Variants in CFAP20DC observed in about 807,000 individuals in gnomAD.
CFAP20DC encodes CFAP20 domain containing.
In CFAP20DC, 84 loss-of-function variants were observed where a neutral mutation model predicts 101.7. The observed-to-expected ratio is 0.83, with a 90% confidence interval of 0.69 to 0.99. CFAP20DC has a LOEUF of 0.99. Among genes scored for constraint, CFAP20DC ranks in the 50% least tolerant of loss-of-function variants. CFAP20DC has a pLI of 0.00. For synonymous variants in CFAP20DC, 359 were observed against 351.2 expected (o/e 1.02, Z -0.25); for missense variants, 1,007 against 970.3 (o/e 1.04, Z -0.50).
In CFAP20DC at chr3:58,724,470, G is replaced by A. The variant is rs1427448754; in HGVS notation, c.198-6842C>T. Among the ~76,000 whole-genome samples, 1 of 152,134 alleles carries A rather than the reference G, an allele frequency of 6.6e-6. No homozygotes were observed. The highest frequency in any genetic ancestry group is 6.5e-5 in the Admixed American group (1 of 15,276). ...TCAAGGAGAAAGGCACTCCTTTGAA[G>A]CACTGGAATGTGGACAGACGTGTGG... On this transcript the variant is annotated intron_variant, in intron 3 of 3. Coordinates refer to the CFAP20DC transcript ENST00000486145. This position sits in a 1 kb window ranked among gnomAD's most constrained non-coding sequence, Gnocchi z 5.6.
intron 13 of CFAP20DC, among the ~76,000 whole-genome samples, chr3:58,838,911 C>T (rs1332752820): frequency 1.3e-5 from 2 of 152,138 alleles, no homozygotes; most frequent in Non-Finnish European, 2.9e-5. Flanking sequence ...TACAGGGCAA[C>T]TATAGCCTTG....
At chr3:58,942,167 T>A (rs1177886996) in intron 4 of CFAP20DC, among the ~76,000 whole-genome samples, 1 of 152,240 alleles carries the variant, frequency 6.6e-6, no homozygotes, top group African/African-American at 2.4e-5. Flanking sequence ...TTAATTATAC[T>A]CATTGATCTT....
intron 7 of CFAP20DC, among the ~76,000 whole-genome samples, chr3:58,880,341 T>C (rs1576105359): frequency 6.6e-6 from 1 of 152,178 alleles, no homozygotes; most frequent in Admixed American, 6.5e-5. Context: ...TTTCTATTTT[T>C]CACTGACTGA....
At chr3:58,817,271 C>T (rs777490235) in intron 14 of CFAP20DC, among the ~76,000 whole-genome samples, 11 of 152,280 alleles carry the variant, frequency 7.2e-5, no homozygotes, top group South Asian at 2.1e-4. Flanking sequence ...TCAAGAGCAA[C>T]GGAACAAAGC....
chr3:59,019,193 T>C (rs560243763), intron 4 of CFAP20DC: 1 of 152,218 alleles, frequency 6.6e-6, no homozygotes, highest in East Asian at 1.9e-4. Flanking sequence ...GCGAAAAAGC[T>C]GAAAACAAAT....
At position 58,863,429 on chromosome 3, in the gene CFAP20DC, C is replaced by T. The variant is rs1202338754; in HGVS notation, c.1593+129G>A. 3 of 1,471,370 alleles carry T rather than the reference C, an allele frequency of 2.0e-6. No individual in the cohort carries two copies. The highest frequency in any genetic ancestry group is 2.8e-5 in the African/African-American group (2 of 70,680). The allele number at this position is 1,471,370 out of a possible 1,614,324, so 91.1% of individuals were successfully genotyped here. ...ACAACCTGATGCAACTGTGGACTGA[C>T]ATGGCAATCTGTTGCATTTTTATAA... On this transcript the variant is annotated intron_variant, in intron 12 of 16. Coordinates refer to ENST00000482387, the MANE Select transcript of CFAP20DC (RefSeq NM_001394063.1). This position sits in a 1 kb window ranked among gnomAD's most constrained non-coding sequence, Gnocchi z 5.9.
chr3:58,742,134 A>T lies in CFAP20DC; in HGVS notation c.*326T>A. 1.1e-6 allele frequency: 1 copy of T among 922,466 alleles called. No homozygotes were observed. Among genetic ancestry groups the T allele is most frequent in the Non-Finnish European group, 1.3e-6 (1 of 770,804 alleles). 57.1% of individuals were successfully genotyped at this position (922,466 alleles called of 1,614,324 possible). On this transcript the variant is annotated 3_prime_UTR_variant, in exon 17 of 17. Coordinates refer to ENST00000482387, the MANE Select transcript of CFAP20DC (RefSeq NM_001394063.1). ...CATTTACAGATTAACACTGCAAAAA[A>T]TTTGAATGAATAACTCTTAATTTGT...
At chr3:58,891,645 A>C (rs1444003366) in intron 6 of CFAP20DC, among the ~76,000 whole-genome samples, 1 of 151,438 alleles carries the variant, frequency 6.6e-6, no homozygotes, top group Non-Finnish European at 1.5e-5. Flanking sequence ...CCCACTTTTT[A>C]ATGGGGTTAT....
intron 4 of CFAP20DC, among the ~76,000 whole-genome samples, chr3:59,034,472 T>C (rs1414127256): frequency 6.6e-6 from 1 of 152,076 alleles, no homozygotes; most frequent in Admixed American, 6.5e-5. Context: ...AAGACACACA[T>C]AGGCTCAAAA....
chr3:58,884,475 G>T, intron 7 of CFAP20DC, 70 bp downstream of exon 7: 1 of 1,438,310 alleles, frequency 7.0e-7, no homozygotes, highest in Non-Finnish European at 9.7e-7. Flanking sequence ...TGCCCTTTTT[G>T]GAGGAAGTCA....
At chr3:58,976,674 C>T (rs2092292421) in intron 4 of CFAP20DC, among the ~76,000 whole-genome samples, 1 of 152,184 alleles carries the variant, frequency 6.6e-6, no homozygotes, top group South Asian at 2.1e-4. Context: ...AACAGATTCC[C>T]AGCTGGGGCC....
chr3:59,042,560 A>G (rs1037198930), intron 3 of CFAP20DC, among the ~76,000 whole-genome samples: 2 of 152,082 alleles, frequency 1.3e-5, no homozygotes, highest in South Asian at 4.2e-4. Flanking sequence ...CGAGAAAAAG[A>G]GTAATAGGAA....
At chr3:58,951,570 T>C (rs1486196808) in intron 4 of CFAP20DC, among the ~76,000 whole-genome samples, 1 of 152,172 alleles carries the variant, frequency 6.6e-6, no homozygotes, top group East Asian at 1.9e-4. Context: ...TGGAATACTA[T>C]GCAGCCATAA....
At chr3:58,850,547 C>A (rs762919226) in intron 12 of CFAP20DC, among the ~76,000 whole-genome samples, 1 of 146,240 alleles carries the variant, frequency 6.8e-6, no homozygotes, top group Non-Finnish European at 1.5e-5. Context: ...AAGATCATGC[C>A]ATTGCACCCC....
chr3:58,858,542 C>T (rs1461219109), intron 12 of CFAP20DC, among the ~76,000 whole-genome samples: 2 of 152,088 alleles, frequency 1.3e-5, no homozygotes, highest in Non-Finnish European at 2.9e-5. Flanking sequence ...CTCTTTGTAC[C>T]ACAACTTTAA....
rs2079855623 is a variant in CFAP20DC at position 58,868,222 on chromosome 3, TA to T, written c.1016-287del. On this transcript the variant is annotated intron_variant, in intron 9 of 16. Coordinates refer to ENST00000482387, the MANE Select transcript of CFAP20DC (RefSeq NM_001394063.1). This position sits in a 1 kb window ranked among gnomAD's most constrained non-coding sequence, Gnocchi z 4.6. ...ATGTTAATCATACAACATGGCATAT[TA>T]AAAAACATTACAAAATGAAACTGAC... 6.6e-6 allele frequency among the ~76,000 whole-genome samples: 1 copy of T among 152,098 alleles called. No homozygotes were observed. The highest frequency in any genetic ancestry group is 1.5e-5 in the Non-Finnish European group (1 of 67,998).
At chr3:58,920,267 A>G (rs2107526276) in intron 5 of CFAP20DC, among the ~76,000 whole-genome samples, 1 of 151,750 alleles carries the variant, frequency 6.6e-6, no homozygotes, top group South Asian at 2.1e-4. Flanking sequence ...ATTTTAAAAA[A>G]TTATTTGTAG....
At chr3:58,860,276 A>G (rs1204485817) in intron 12 of CFAP20DC, among the ~76,000 whole-genome samples, 3 of 152,166 alleles carry the variant, frequency 2.0e-5, no homozygotes, top group African/African-American at 4.8e-5. Context: ...TATGCTAACA[A>G]AAAGTATTTA....
At chr3:58,816,650 A>T (rs2075181868) in intron 14 of CFAP20DC, among the ~76,000 whole-genome samples, 1 of 152,146 alleles carries the variant, frequency 6.6e-6, no homozygotes. Flanking sequence ...CGCCCACGGA[A>T]TCTTGCTGAT....
Sources: allele counts gnomAD v4.1 joint callset (sites outside exome capture counted in the v4.1 genomes callset), GRCh38; gene constraint gnomAD v4.1.1; non-coding constraint Gnocchi (gnomAD v3.1); transcripts MANE v1.5; gene names NCBI Gene and HGNC (gene_info 2026-07-23, HGNC 2026-07-21).